Variants in BTG4 observed in about 807,000 individuals in gnomAD.
BTG4 encodes BTG anti-proliferation factor 4.
In BTG4, 10 loss-of-function variants were observed where a neutral mutation model predicts 19.3. The ratio of observed to expected loss-of-function variants is 0.52; its 90% CI spans 0.32 to 0.88. The LOEUF is 0.88. Ranked by LOEUF, BTG4 falls within the 40% of genes least tolerant of loss-of-function variation. The pLI is 0.04. For missense variants in BTG4, 238 were observed against 281.9 expected, an observed-to-expected ratio of 0.84 and a Z score of 1.11; for synonymous variants, 91 against 95.7, an observed-to-expected ratio of 0.95 and a Z score of 0.29.
chr11:111,486,526 A>T (rs1299748973), intron 5 of BTG4, among the ~76,000 whole-genome samples: 4 of 152,200 alleles, frequency 2.6e-5, no homozygotes, highest in Non-Finnish European at 5.9e-5. Flanking sequence ...ATACTTCCAA[A>T]CCCATACTAT....
the BTG4 span, among the ~76,000 whole-genome samples, chr11:111,401,301 G>A: frequency 6.6e-6 from 1 of 150,660 alleles, no homozygotes; most frequent in Non-Finnish European, 1.5e-5. Flanking sequence ...CCTGTGAATG[G>A]TGAAAACCCG....
intron 4 of BTG4, among the ~76,000 whole-genome samples, chr11:111,496,341 G>A (rs1209655746): frequency 1.3e-5 from 2 of 152,048 alleles, no homozygotes; most frequent in Non-Finnish European, 2.9e-5. Flanking sequence ...TTAAAAACCA[G>A]TAAAATGTTC....
downstream of BTG4, among the ~76,000 whole-genome samples, chr11:111,464,067 A>G (rs1863577660): frequency 6.6e-6 from 1 of 151,894 alleles, no homozygotes; most frequent in African/African-American, 2.4e-5. Context: ...TGCAATCTCC[A>G]CTCACTGCAA....
At chr11:111,460,950 C>T in the BTG4 span, among the ~76,000 whole-genome samples, 1 of 152,142 alleles carries the variant, frequency 6.6e-6, no homozygotes, top group African/African-American at 2.4e-5. Flanking sequence ...CCCACCAAAC[C>T]CAGCCACTTC....
the BTG4 span, among the ~76,000 whole-genome samples, chr11:111,443,318 T>C: frequency 6.6e-6 from 1 of 152,172 alleles, no homozygotes; most frequent in Admixed American, 6.5e-5. Flanking sequence ...TCATATGTGG[T>C]CCTGGAACAG....
At chr11:111,451,453 A>T in the BTG4 span, 2 of 439,662 alleles carry the variant, frequency 4.5e-6, no homozygotes, top group Non-Finnish European at 9.4e-6. Flanking sequence ...TTATCCCATT[A>T]TTTCCCCTCT....
At chr11:111,511,926 T>TA (rs1766598192) in intron 1 of BTG4, among the ~76,000 whole-genome samples, 1 of 152,192 alleles carries the variant, frequency 6.6e-6, no homozygotes, top group East Asian at 1.9e-4. Flanking sequence ...TAATTTATTA[T>TA]ATATATACTG....
intron 1 of BTG4, 133 bp from the exon 2 acceptor site, chr11:111,498,935 G>C: frequency 1.7e-6 from 1 of 593,540 alleles, no homozygotes; most frequent in Non-Finnish European, 2.9e-6. Context: ...GAAGTCCTTA[G>C]TAAACTAGGT....
rs764091426 is a variant in BTG4 at position 111,503,399 on chromosome 11, C to A, written c.-26-4597G>T. Among the ~76,000 whole-genome samples, 100 of 152,214 alleles carry A rather than the reference C, an allele frequency of 6.6e-4. 1 individual carries two copies. Among genetic ancestry groups the A allele is most frequent in the Non-Finnish European group, 1.2e-3 (85 of 68,032 alleles). ...CCAACCTGGTCTGGCCTAAGCCAATCCCAGAGCTAAGTAGAAGAGAAAATT... is the reference window on the plus strand; with the variant it reads ...CCAACCTGGTCTGGCCTAAGCCAATACCAGAGCTAAGTAGAAGAGAAAATT... On this transcript the variant is annotated intron_variant, in intron 1 of 4. Coordinates refer to ENST00000692032, the MANE Select transcript of BTG4 (RefSeq NM_001367975.1).
At chr11:111,427,365 T>C in the BTG4 span, among the ~76,000 whole-genome samples, 1 of 152,102 alleles carries the variant, frequency 6.6e-6, no homozygotes, top group Non-Finnish European at 1.5e-5. Context: ...TCAAGAATAA[T>C]CATGGCCGCT....
At chr11:111,403,442 T>G in the BTG4 span, among the ~76,000 whole-genome samples, 2 of 152,216 alleles carry the variant, frequency 1.3e-5, no homozygotes, top group African/African-American at 4.8e-5. Context: ...CTCCTTTACC[T>G]GCATTGTGGG....
chr11:111,471,359 T>G (rs951472126), intron 5 of BTG4, among the ~76,000 whole-genome samples: 1 of 152,230 alleles, frequency 6.6e-6, no homozygotes, highest in African/African-American at 2.4e-5. Flanking sequence ...TTGATAATGA[T>G]GTCGGTAATC....
At chr11:111,485,503 G>A (rs937714794) in intron 5 of BTG4, among the ~76,000 whole-genome samples, 1 of 152,060 alleles carries the variant, frequency 6.6e-6, no homozygotes, top group Non-Finnish European at 1.5e-5. Flanking sequence ...GCTCCTAACC[G>A]ACCATGAGGT....
the BTG4 span, among the ~76,000 whole-genome samples, chr11:111,433,160 A>G: frequency 6.6e-6 from 1 of 152,228 alleles, no homozygotes; most frequent in South Asian, 2.1e-4. Flanking sequence ...TATAAAATAC[A>G]CTAAACAGTC....
chr11:111,445,042 C>A, the BTG4 span, among the ~76,000 whole-genome samples: 12 of 152,104 alleles, frequency 7.9e-5, no homozygotes, highest in African/African-American at 2.9e-4. Context: ...GAAGCAGTGG[C>A]GAAGAAGAGA....
intron 3 of BTG4, 146 bp from the exon 4 acceptor site, chr11:111,497,555 T>C: frequency 2.1e-6 from 1 of 485,708 alleles, no homozygotes; most frequent in Non-Finnish European, 3.4e-6. Context: ...CCTACTACAC[T>C]GTTATAAATT....
chr11:111,478,329 A>T (rs1864519461), intron 5 of BTG4, among the ~76,000 whole-genome samples: 1 of 152,144 alleles, frequency 6.6e-6, no homozygotes, highest in African/African-American at 2.4e-5. Context: ...TTTTACTTCC[A>T]CTAGGAAGTA....
At chr11:111,478,730 C>T (rs551446263) in intron 5 of BTG4, among the ~76,000 whole-genome samples, 12 of 151,980 alleles carry the variant, frequency 7.9e-5, no homozygotes, top group Admixed American at 3.3e-4. Context: ...TATAAAGCTT[C>T]GTGAATAGGC....
the BTG4 span, among the ~76,000 whole-genome samples, chr11:111,390,274 C>T: frequency 1.3e-5 from 2 of 152,164 alleles, no homozygotes; most frequent in African/African-American, 4.8e-5. Context: ...TGCTGAATGT[C>T]ATCCCACTGT....
Sources: allele counts gnomAD v4.1 joint callset (sites outside exome capture counted in the v4.1 genomes callset), GRCh38; gene constraint gnomAD v4.1.1; transcripts MANE v1.5; gene names NCBI Gene and HGNC (gene_info 2026-07-23, HGNC 2026-07-21).